PFKFB3: variants seen among roughly 807,000 people sequenced by gnomAD.
The protein encoded by PFKFB3 is 6-phosphofructo-2-kinase/fructose-2,6-biphosphatase 3, also known as 6-phosphofructo-2-kinase/fructose-2,6-bisphosphatase 3.
In PFKFB3, 33 loss-of-function variants were observed where a neutral mutation model predicts 68.0. The observed-to-expected ratio is 0.49, with a 90% confidence interval of 0.37 to 0.65. The LOEUF (loss-of-function observed/expected upper bound fraction) is 0.65, where lower values mean the gene tolerates loss of function less well. PFKFB3 is among the 30% of genes least tolerant of loss of function. PFKFB3 has a pLI of 0.00. For missense variants in PFKFB3, 586 were observed against 712.2 expected (o/e 0.82, Z 2.02); for synonymous variants, 315 against 288.2 (o/e 1.09, Z -0.94).
chr10:6,185,983 A>T (rs1842858892), intron 1 of PFKFB3, among the ~76,000 whole-genome samples: 1 of 152,020 alleles, frequency 6.6e-6, no homozygotes, highest in Admixed American at 6.6e-5. Context: ...TCCCAGTGGT[A>T]TAAAGTCTTG....
chr10:6,246,825 A>G (rs1371484353), intron 14 of PFKFB3, among the ~76,000 whole-genome samples: 3 of 152,136 alleles, frequency 2.0e-5, no homozygotes, highest in African/African-American at 7.2e-5. Context: ...TGGAATCCCC[A>G]GTGTCTGCTG....
chr10:6,165,354 C>T (rs1842100918), intron 1 of PFKFB3, among the ~76,000 whole-genome samples: 1 of 152,210 alleles, frequency 6.6e-6, no homozygotes, highest in Non-Finnish European at 1.5e-5. Flanking sequence ...TTAACAGCAT[C>T]TCAAAGCAGA....
At chr10:6,192,664 CGTGTGTGTGTGT>C (rs34129264) in intron 1 of PFKFB3, among the ~76,000 whole-genome samples, 1,844 of 128,878 alleles carry the variant, frequency 0.014, 20 homozygotes, top group Middle Eastern at 0.024. Context: ...TCCCCTCACC[CGTGTGTGTGTGT>C]GTGTGTGTGT....
chr10:6,160,244 G>A (rs1031749651), intron 1 of PFKFB3, among the ~76,000 whole-genome samples: 2 of 152,116 alleles, frequency 1.3e-5, no homozygotes. Context: ...TAATTGAGAT[G>A]TCAATTGGCT....
rs1844913394 is a variant in PFKFB3 at position 6,220,944 on chromosome 10, G to GCTC, written c.831+81_831+82insCCT. On this transcript the variant is annotated intron_variant, in intron 8 of 14. Coordinates refer to ENST00000379775, the MANE Select transcript of PFKFB3 (RefSeq NM_004566.4). The surrounding 1 kb of genome is among the most constrained non-coding windows in gnomAD (Gnocchi z 4.1). ...CTATAGGGTGGGTGGGGAGCTGTGT[G>GCTC]CTGCTGCTGCTGCTGCTGCTGCTGC... is the stretch of plus-strand genomic sequence containing the variant. 1 of 1,028,834 alleles carries GCTC rather than the reference G, an allele frequency of 9.7e-7. No homozygotes were observed. Among genetic ancestry groups the GCTC allele is most frequent in the Non-Finnish European group, 1.5e-6 (1 of 688,552 alleles). The allele number at this position is 1,028,834 out of a possible 1,614,324, so 63.7% of individuals were successfully genotyped here.
the PFKFB3 span, among the ~76,000 whole-genome samples, chr10:6,270,334 G>A: frequency 6.6e-6 from 1 of 152,086 alleles, no homozygotes; most frequent in African/African-American, 2.4e-5. Context: ...AGAAGTATAA[G>A]TTACCTAATA....
chr10:6,228,173 C>A lies in PFKFB3; in HGVS notation c.1515+1808C>A, dbSNP rs755510084. 7 of 1,610,432 alleles carry A rather than the reference C, an allele frequency of 4.3e-6. No individual in the cohort carries two copies. The highest frequency in any genetic ancestry group is 5.9e-6 in the Non-Finnish European group (7 of 1,179,760). ...TTGCGCCCTGCCTCCTGACTGACTT[C>A]TCTCTCTGCTTCTCCTCCGCAGCCT... is the stretch of plus-strand genomic sequence containing the variant. On this transcript the variant is annotated intron_variant, in intron 14 of 14. Transcript: ENST00000379775. The surrounding 1 kb of genome is among the most constrained non-coding windows in gnomAD (Gnocchi z 4.5).
At chr10:6,203,683 A>T (rs1320088006) in intron 1 of PFKFB3, among the ~76,000 whole-genome samples, 3 of 151,712 alleles carry the variant, frequency 2.0e-5, no homozygotes, top group Non-Finnish European at 4.4e-5. Flanking sequence ...GCCGGAGCGC[A>T]GCCCAGGGAC....
intron 1 of PFKFB3, among the ~76,000 whole-genome samples, chr10:6,161,889 T>C (rs529819197): frequency 6.6e-6 from 1 of 152,320 alleles, no homozygotes; most frequent in South Asian, 2.1e-4. Context: ...TTAATTGTGG[T>C]AAATACACTT....
the PFKFB3 span, among the ~76,000 whole-genome samples, chr10:6,300,333 C>T: frequency 6.6e-6 from 1 of 152,264 alleles, no homozygotes; most frequent in East Asian, 1.9e-4. Flanking sequence ...CATCATTTGA[C>T]ACAGGACCTG....
intron 13 of PFKFB3, 181 bp downstream of exon 13, chr10:6,224,394 G>T: frequency 1.6e-6 from 1 of 635,352 alleles, no homozygotes; most frequent in Admixed American, 2.5e-5. Context: ...GTGGCTTCTG[G>T]GGCCTTCTCA....
At chr10:6,262,177 G>A in the PFKFB3 span, among the ~76,000 whole-genome samples, 43 of 152,014 alleles carry the variant, frequency 2.8e-4, no homozygotes, top group African/African-American at 7.2e-4. Flanking sequence ...GCTGTTGGCC[G>A]GGCGTGGTGG....
intron 1 of PFKFB3, among the ~76,000 whole-genome samples, chr10:6,171,088 G>GTGGTGCAA (rs1156929047): frequency 1.1e-4 from 17 of 152,106 alleles, no homozygotes; most frequent in South Asian, 2.1e-4. Flanking sequence ...CTGGAGTGCA[G>GTGGTGCAA]TGGTGCAATG....
At chr10:6,270,187 G>C in the PFKFB3 span, among the ~76,000 whole-genome samples, 3 of 152,068 alleles carry the variant, frequency 2.0e-5, no homozygotes, top group Non-Finnish European at 4.4e-5. Context: ...AAAGAATATG[G>C]GTGTTTAAGA....
the PFKFB3 span, among the ~76,000 whole-genome samples, chr10:6,320,867 A>G: frequency 6.6e-6 from 1 of 152,150 alleles, no homozygotes; most frequent in Admixed American, 6.5e-5. Context: ...CTGACAGGAG[A>G]GAGGCTGGCT....
At chr10:6,292,223 G>A in the PFKFB3 span, among the ~76,000 whole-genome samples, 1 of 149,000 alleles carries the variant, frequency 6.7e-6, no homozygotes, top group East Asian at 2.0e-4. Flanking sequence ...CAAAGTGCTG[G>A]GATTACAAGT....
Position 6,222,926 on chromosome 10 carries a change from C to G in PFKFB3, c.1155C>G (p.Val385=), listed in dbSNP as rs1241681009. ...TGGAGCGGCAGGAGAATGTGCTGGTCATCTGCCACCAGGCCGTCCTGCGCT... is the reference window on the plus strand; with the variant it reads ...TGGAGCGGCAGGAGAATGTGCTGGTGATCTGCCACCAGGCCGTCCTGCGCT... ...MELERQENVL[V]ICHQAVLRCL... is the part of the protein sequence containing the mutation. Residue 385 remains valine (V), a synonymous_variant, in exon 11 of 15, where the codon GTC becomes GTG. Transcript: ENST00000379775. 6 of 1,613,852 alleles carry G rather than the reference C, an allele frequency of 3.7e-6. No individual in the cohort carries two copies. In the South Asian group the frequency reaches 6.6e-5, roughly 18 times the overall value.
downstream of PFKFB3, among the ~76,000 whole-genome samples, chr10:6,237,701 G>A (rs1436654310): frequency 6.6e-6 from 1 of 152,114 alleles, no homozygotes; most frequent in East Asian, 1.9e-4. Context: ...GAGTAGCTGG[G>A]ACTACAGGCA....
In PFKFB3 at chr10:6,177,472, CTTTCTTTCTTTCTTTT is replaced by C. The variant is rs1157936345; in HGVS notation, c.16+32461_16+32476del. Among the ~76,000 whole-genome samples the C allele has an allele frequency of 3.2e-5, 4 of 123,674 alleles. No homozygotes were observed. In the East Asian group the frequency reaches 9.3e-4, roughly 29 times the overall value. The allele number at this position is 123,674 out of a possible 152,430, so 81.1% of individuals were successfully genotyped here. A position where few individuals can be genotyped will look rare whatever the true frequency, so the allele number is the denominator to read the frequency against. ...TCTTTCTTTCTTTCTTTCTTTCTTT[CTTTCTTTCTTTCTTTT>C]TCTTTTCTTTCTCTCTCTCGCTCTC... On this transcript the variant is annotated intron_variant, in intron 1 of 14. Transcript: ENST00000379789.
Sources: allele counts gnomAD v4.1 joint callset (sites outside exome capture counted in the v4.1 genomes callset), GRCh38; gene constraint gnomAD v4.1.1; non-coding constraint Gnocchi (gnomAD v3.1); transcripts MANE v1.5; gene names NCBI Gene and HGNC (gene_info 2026-07-23, HGNC 2026-07-21).